Variants in CA10 observed in about 807,000 individuals in gnomAD.
CA10 encodes carbonic anhydrase 10 (inactive), also known as carbonic anhydrase-related protein 10.
A neutral mutation model predicts 44.2 loss-of-function variants in CA10; 14 were observed. That is an observed-to-expected ratio of 0.32 (90% CI 0.21 to 0.50). The LOEUF is 0.50. CA10 is among the 20% of genes least tolerant of loss of function. The pLI, the probability that CA10 is intolerant of heterozygous loss-of-function variation, is 0.99. For missense variants in CA10, 350 were observed against 409.7 expected, an observed-to-expected ratio of 0.85 and a Z score of 1.26; for synonymous variants, 159 against 141.6, an observed-to-expected ratio of 1.12 and a Z score of -0.87.
chr17:52,053,500 G>A (rs536936373), intron 2 of CA10, among the ~76,000 whole-genome samples: 59 of 151,892 alleles, frequency 3.9e-4, no homozygotes, highest in African/African-American at 1.3e-3. Context: ...ATACTCAAAC[G>A]GATAAATAGA....
chr17:51,701,170 C>A (rs1439836268), intron 4 of CA10, among the ~76,000 whole-genome samples: 1 of 151,988 alleles, frequency 6.6e-6, no homozygotes, highest in Non-Finnish European at 1.5e-5. Flanking sequence ...GGGATCTGTG[C>A]TATGCTCTCT....
At chr17:51,981,924 A>G (rs1984667077) in intron 2 of CA10, among the ~76,000 whole-genome samples, 2 of 152,034 alleles carry the variant, frequency 1.3e-5, no homozygotes, top group South Asian at 4.1e-4. Context: ...TTTATTTAAT[A>G]TATTTTTCCC....
At chr17:51,807,215 A>T (rs1336827512) in intron 3 of CA10, among the ~76,000 whole-genome samples, 1 of 152,184 alleles carries the variant, frequency 6.6e-6, no homozygotes, top group Non-Finnish European at 1.5e-5. Flanking sequence ...AACGCTTCTG[A>T]AGCATGGAAT....
chr17:51,753,060 T>C (rs1033692423), intron 3 of CA10, among the ~76,000 whole-genome samples: 9 of 152,220 alleles, frequency 5.9e-5, no homozygotes, highest in African/African-American at 2.2e-4. Flanking sequence ...AAGAGAGGAC[T>C]ATAATTGGAT....
intron 4 of CA10, among the ~76,000 whole-genome samples, chr17:51,709,832 G>T (rs550471280): frequency 6.6e-6 from 1 of 152,290 alleles, no homozygotes; most frequent in African/African-American, 2.4e-5. Flanking sequence ...GGGCCCCACA[G>T]TACACAGAAG....
At chr17:51,854,966 T>C (rs1978973722) in intron 3 of CA10, among the ~76,000 whole-genome samples, 1 of 152,170 alleles carries the variant, frequency 6.6e-6, no homozygotes, top group Non-Finnish European at 1.5e-5. Context: ...AGTAACTGGC[T>C]CCAGGTAACT....
intron 2 of CA10, among the ~76,000 whole-genome samples, chr17:52,015,748 A>G (rs554822168): frequency 1.1e-4 from 16 of 152,156 alleles, no homozygotes; most frequent in Non-Finnish European, 1.9e-4. Flanking sequence ...CAAAATTTGC[A>G]TATAATTTCT....
chr17:51,921,681 G>C (rs184827032), intron 3 of CA10, among the ~76,000 whole-genome samples: 58 of 152,240 alleles, frequency 3.8e-4, no homozygotes, highest in African/African-American at 1.3e-3. Flanking sequence ...ACTTGTCATG[G>C]ATGTAGAACC....
At chr17:52,071,312 T>C (rs927931660) in intron 2 of CA10, among the ~76,000 whole-genome samples, 2 of 152,224 alleles carry the variant, frequency 1.3e-5, no homozygotes, top group South Asian at 2.1e-4. Flanking sequence ...TCCCTTACCA[T>C]GCCTGCTTTC....
At chr17:51,914,190 G>C (rs557139582) in intron 3 of CA10, among the ~76,000 whole-genome samples, 19 of 152,130 alleles carry the variant, frequency 1.2e-4, no homozygotes, top group Admixed American at 4.6e-4. Flanking sequence ...CACCCCAGCT[G>C]CAAAAACAGT....
intron 3 of CA10, among the ~76,000 whole-genome samples, chr17:51,781,387 G>A (rs1906052948): frequency 6.6e-6 from 1 of 152,188 alleles, no homozygotes; most frequent in Non-Finnish European, 1.5e-5. Context: ...ATGTGGGATT[G>A]TCATGAGTTC....
At chr17:51,903,309 T>C (rs749013912) in intron 3 of CA10, among the ~76,000 whole-genome samples, 5 of 152,152 alleles carry the variant, frequency 3.3e-5, no homozygotes, top group Admixed American at 6.6e-5. Context: ...CAGGTGCTGA[T>C]TGGAAGTGGC....
intron 3 of CA10, among the ~76,000 whole-genome samples, chr17:51,784,186 G>C (rs2143683596): frequency 6.6e-6 from 1 of 152,266 alleles, no homozygotes; most frequent in South Asian, 2.1e-4. Flanking sequence ...TGAACTCTGG[G>C]AGTTCTCAGA....
At chr17:51,972,651 T>A (rs1015729682) in intron 2 of CA10, among the ~76,000 whole-genome samples, 1 of 152,116 alleles carries the variant, frequency 6.6e-6, no homozygotes, top group African/African-American at 2.4e-5. Context: ...TTTGAAAATA[T>A]CACACATTTC....
chr17:52,088,538 A>AC (rs1277056741), intron 1 of CA10, among the ~76,000 whole-genome samples: 1 of 152,132 alleles, frequency 6.6e-6, no homozygotes, highest in Non-Finnish European at 1.5e-5. Flanking sequence ...CCAGCACTCT[A>AC]CCACATAACC....
chr17:51,950,353 G>A (rs747233911), intron 2 of CA10, among the ~76,000 whole-genome samples: 12 of 152,076 alleles, frequency 7.9e-5, no homozygotes, highest in Non-Finnish European at 1.3e-4. Context: ...TGTGCCCTGG[G>A]AGGCTGATTT....
At chr17:52,025,649 G>A (rs1479646486) in intron 2 of CA10, among the ~76,000 whole-genome samples, 2 of 151,276 alleles carry the variant, frequency 1.3e-5, no homozygotes, top group East Asian at 3.9e-4. Flanking sequence ...GATAGAAAAT[G>A]ATAAAATCAG....
intron 2 of CA10, among the ~76,000 whole-genome samples, chr17:51,990,852 G>T (rs1013696994): frequency 2.6e-5 from 4 of 152,022 alleles, no homozygotes; most frequent in Non-Finnish European, 5.9e-5. Flanking sequence ...GTTGCTTTTC[G>T]TAGGAGGTGC....
rs1475915540 is a variant in CA10, at chr17:51,820,412, C to A, written c.280-72594G>T. Among the ~76,000 whole-genome samples the A allele has an allele frequency of 2.1e-4, 20 of 94,516 alleles. 1 individual carries two copies. The highest frequency in any genetic ancestry group is 5.2e-4 in the African/African-American group (11 of 21,194). 62.0% of individuals were successfully genotyped at this position (94,516 alleles called of 152,430 possible). On this transcript the variant is annotated intron_variant, in intron 3 of 8. Transcript: ENST00000451037. ...AAACCTGGGGATTCCCCTACCCCCC[C>A]CCCCCCGCCCGCCGATTTTCCTGTA...
Sources: allele counts gnomAD v4.1 joint callset (sites outside exome capture counted in the v4.1 genomes callset), GRCh38; gene constraint gnomAD v4.1.1; transcripts MANE v1.5; gene names NCBI Gene and HGNC (gene_info 2026-07-23, HGNC 2026-07-21).